The following ZDHHC15 variants were observed in gnomAD, a reference collection of about 807,000 sequenced individuals.
The protein encoded by ZDHHC15 is zDHHC palmitoyltransferase 15.
In ZDHHC15, 19 loss-of-function variants were observed where a neutral mutation model predicts 31.7. The observed-to-expected ratio is 0.60, with a 90% CI of 0.42 to 0.88. The LOEUF (loss-of-function observed/expected upper bound fraction) is 0.88, where lower values mean the gene tolerates loss of function less well. ZDHHC15 is among the 40% of genes least tolerant of loss of function. The pLI is 0.00. For synonymous variants in ZDHHC15, 103 were observed against 90.0 expected, an observed-to-expected ratio of 1.14 and a Z score of -0.82; for missense variants, 209 against 251.2, an observed-to-expected ratio of 0.83 and a Z score of 1.14.
Position 75,478,895 on chromosome X carries a change from T to C in ZDHHC15, c.254A>G (p.Gln85Arg). ...AGAAGTAACCAATATTCTTACCTTC[T>C]GGTTTGGCTGCTGTGGGAGTGTAAA... ...SIFTLPQQPN[Q>R]KFHLSYTDKE... The change falls in exon 3 of 12, where the codon CAG (glutamine) becomes CGG (arginine). Residue 85 changes from glutamine to arginine, a missense_variant. Transcript: ENST00000373367. 1.7e-6 allele frequency: 2 copies of C among 1,193,439 alleles called. No homozygotes were observed. Among genetic ancestry groups the C allele is most frequent in the Non-Finnish European group, 2.3e-6 (2 of 882,201 alleles).
At chrX:75,486,364 A>C (rs2084777581) in intron 2 of ZDHHC15, among the ~76,000 whole-genome samples, 1 of 112,641 alleles carries the variant, frequency 8.9e-6, no homozygotes, top group African/African-American at 3.2e-5. Flanking sequence ...GAAGGCAGCC[A>C]GCAAGAATTG....
chrX:75,444,316 T>C (rs1169102424), intron 4 of ZDHHC15, among the ~76,000 whole-genome samples: 1 of 108,302 alleles, frequency 9.2e-6, no homozygotes, highest in Non-Finnish European at 1.9e-5. Context: ...ATGTCCTTTG[T>C]AGGGACATGG....
At position 75,421,973 on chromosome X, in the gene ZDHHC15, C is replaced by T; in HGVS notation, c.754G>A (p.Val252Met). The T allele has an allele frequency of 8.3e-7, 1 of 1,209,157 alleles. No homozygotes were observed. The highest frequency in any genetic ancestry group is 1.1e-6 in the Non-Finnish European group (1 of 894,174). Residue 252 changes from valine (V) to methionine (M), a missense_variant, in exon 9 of 12, where the codon GTG becomes ATG. Val to Met is a conservative substitution (Grantham distance 21). Transcript: ENST00000373367. ...TTTTTCTCTGGGCCACTTGTAAACA[C>T]TGGAGTGCAGAAGGCCTCTAAGGCA... is the stretch of plus-strand genomic sequence containing the variant. ...KTTLEAFCTP[V>M]FTSGPEKNGF...
intron 2 of ZDHHC15, among the ~76,000 whole-genome samples, chrX:75,499,023 C>G (rs1180139065): frequency 9.0e-6 from 1 of 111,241 alleles, no homozygotes; most frequent in African/African-American, 3.3e-5. Flanking sequence ...AAACAAAACA[C>G]AAAATGGGGA....
intron 10 of ZDHHC15, among the ~76,000 whole-genome samples, chrX:75,393,298 T>C (rs2083266022): frequency 9.0e-6 from 1 of 111,182 alleles, no homozygotes; most frequent in African/African-American, 3.3e-5. Flanking sequence ...TTCCTCCCTC[T>C]GAAATAAGAC....
chrX:75,504,988 G>A (rs963617451), intron 2 of ZDHHC15, among the ~76,000 whole-genome samples: 10 of 111,023 alleles, frequency 9.0e-5, no homozygotes, highest in African/African-American at 1.3e-4. Context: ...ACACAATGAG[G>A]TAAAATAATT....
chrX:75,424,828 G>A (rs753216990), intron 7 of ZDHHC15, 44 bp from the exon 8 acceptor site: 52 of 1,134,323 alleles, frequency 4.6e-5, no homozygotes, highest in Non-Finnish European at 6.1e-5. Context: ...AAGTGGAAAC[G>A]GATGGCTAGT....
intron 2 of ZDHHC15, among the ~76,000 whole-genome samples, chrX:75,503,513 C>T (rs2085116463): frequency 9.0e-6 from 1 of 110,857 alleles, no homozygotes; most frequent in Non-Finnish European, 1.9e-5. Context: ...AAGAGACTTA[C>T]ATACATAATC....
At chrX:75,479,116 G>T in intron 2 of ZDHHC15, 131 bp from the exon 3 acceptor site, 1 of 415,950 alleles carries the variant, frequency 2.4e-6, no homozygotes, top group Non-Finnish European at 3.8e-6. Flanking sequence ...ATTATGAAGT[G>T]TTAATTTTAT....
intron 10 of ZDHHC15, among the ~76,000 whole-genome samples, chrX:75,411,060 A>G (rs994769540): frequency 1.8e-5 from 2 of 111,995 alleles, no homozygotes; most frequent in African/African-American, 6.5e-5. Context: ...GATAGAGAGT[A>G]GATTGGTTGT....
At chrX:75,495,059 T>A (rs1399800899) in intron 2 of ZDHHC15, among the ~76,000 whole-genome samples, 1 of 111,090 alleles carries the variant, frequency 9.0e-6, no homozygotes, top group Non-Finnish European at 1.9e-5. Context: ...ATATCCAGAA[T>A]CTACAATGAA....
At chrX:75,442,758 G>A (rs1441903532) in intron 4 of ZDHHC15, among the ~76,000 whole-genome samples, 16 of 109,771 alleles carry the variant, frequency 1.5e-4, no homozygotes, top group South Asian at 3.9e-4. Context: ...AGGCCGAGGC[G>A]GGTGGATCAT....
intron 3 of ZDHHC15, among the ~76,000 whole-genome samples, chrX:75,458,882 C>T (rs1197222552): frequency 9.5e-6 from 1 of 105,635 alleles, no homozygotes; most frequent in Non-Finnish European, 1.9e-5. Context: ...GCACCTTCAA[C>T]TAAAATATAC....
chrX:75,393,347 A>T (rs1219030257), intron 10 of ZDHHC15, among the ~76,000 whole-genome samples: 1 of 111,460 alleles, frequency 9.0e-6, no homozygotes, highest in African/African-American at 3.3e-5. Flanking sequence ...GAGACTCAGT[A>T]TCTGCTTCTG....
chrX:75,421,090 C>T (rs987176552), intron 9 of ZDHHC15, among the ~76,000 whole-genome samples: 3 of 107,184 alleles, frequency 2.8e-5, no homozygotes, highest in East Asian at 2.9e-4. Flanking sequence ...ATTGCCCTTA[C>T]CATTTTTAAC....
At chrX:75,404,421 A>G (rs1221120232) in intron 10 of ZDHHC15, among the ~76,000 whole-genome samples, 1 of 112,104 alleles carries the variant, frequency 8.9e-6, no homozygotes, top group Non-Finnish European at 1.9e-5. Context: ...AAAGGAGAAT[A>G]TCAACAGAGT....
intron 10 of ZDHHC15, among the ~76,000 whole-genome samples, chrX:75,411,014 C>T (rs1749987674): frequency 8.9e-6 from 1 of 111,768 alleles, no homozygotes; most frequent in African/African-American, 3.3e-5. Context: ...CATATTCTTA[C>T]TCATATGTAG....
intron 1 of ZDHHC15, among the ~76,000 whole-genome samples, chrX:75,514,468 C>T (rs768913509): frequency 1.1e-3 from 124 of 111,794 alleles, no homozygotes; most frequent in African/African-American, 3.9e-3. Flanking sequence ...CAGCTCCCAG[C>T]GTGAGCAACA....
Position 75,456,979 on chromosome X carries a change from C to T in ZDHHC15, c.259-6057G>A, listed in dbSNP as rs188811461. ...CAAGAAATAGAGATAATAATATCATCCCCATAATTACTGTTAAATGTAAAG... is the reference window on the plus strand; with the variant it reads ...CAAGAAATAGAGATAATAATATCATTCCCATAATTACTGTTAAATGTAAAG... On this transcript the variant is annotated intron_variant, in intron 3 of 11. Coordinates refer to ENST00000373367, the MANE Select transcript of ZDHHC15 (RefSeq NM_144969.3). 3.5e-4 allele frequency among the ~76,000 whole-genome samples: 39 copies of T among 111,749 alleles called. No homozygotes were observed. The East Asian group carries it at 5.3e-3, about 15-fold the overall frequency.
Sources: gnomAD v4.1 joint callset for allele counts (sites outside exome capture counted in the v4.1 genomes callset) on GRCh38, gnomAD v4.1.1 for gene constraint, MANE v1.5 for transcripts, NCBI Gene and HGNC (gene_info 2026-07-23, HGNC 2026-07-21) for gene names.